CDC14A: variants seen among roughly 807,000 people sequenced by gnomAD.
CDC14A encodes cell division cycle 14A.
In CDC14A, 53 loss-of-function variants were observed where a neutral mutation model predicts 74.4. That is an observed-to-expected ratio of 0.71 (90% CI 0.57 to 0.89). The LOEUF is 0.89. Among genes scored for constraint, CDC14A ranks in the 40% least tolerant of loss-of-function variants. The pLI is 0.00. For synonymous variants in CDC14A, 247 were observed against 258.4 expected (o/e 0.96, Z 0.43); for missense variants, 646 against 713.7 (o/e 0.91, Z 1.08).
At chr1:100,443,870 G>C (rs556495977) in intron 7 of CDC14A, among the ~76,000 whole-genome samples, 3 of 152,190 alleles carry the variant, frequency 2.0e-5, no homozygotes, top group Non-Finnish European at 1.5e-5. Context: ...TTTTCTGAAA[G>C]ATGAGAAGCC....
chr1:100,473,307 T>A (rs1234566891), intron 10 of CDC14A, among the ~76,000 whole-genome samples: 6 of 152,150 alleles, frequency 3.9e-5, no homozygotes, highest in Non-Finnish European at 8.8e-5. Flanking sequence ...AGTACTTATT[T>A]TTTTTTAGCA....
At chr1:100,379,338 T>G (rs1655762621) in intron 3 of CDC14A, among the ~76,000 whole-genome samples, 1 of 152,236 alleles carries the variant, frequency 6.6e-6, no homozygotes, top group South Asian at 2.1e-4. Flanking sequence ...GTTTAAACAC[T>G]CTCCTTGGTT....
chr1:100,484,737 AAAAT>A (rs1243018439), intron 11 of CDC14A: 1 of 1,019,052 alleles, frequency 9.8e-7, no homozygotes, highest in African/African-American at 1.7e-5. Context: ...TTTGAAAATT[AAAAT>A]AAATATCAAG....
intron 5 of CDC14A, among the ~76,000 whole-genome samples, chr1:100,430,629 T>C (rs947708519): frequency 1.5e-4 from 23 of 152,232 alleles, no homozygotes; most frequent in Non-Finnish European, 8.8e-5. Flanking sequence ...TGCCTTCTTT[T>C]TCATAAAGTA....
intron 3 of CDC14A, among the ~76,000 whole-genome samples, chr1:100,388,377 C>T (rs950062769): frequency 2.6e-5 from 4 of 152,192 alleles, no homozygotes; most frequent in Non-Finnish European, 5.9e-5. Flanking sequence ...AATGTTCAGG[C>T]AGTCAGTAGT....
At chr1:100,410,173 C>T (rs1034359063) in intron 4 of CDC14A, among the ~76,000 whole-genome samples, 2 of 150,728 alleles carry the variant, frequency 1.3e-5, no homozygotes, top group African/African-American at 4.9e-5. Flanking sequence ...GATTGTGCTA[C>T]TGCACTCCAG....
rs1649996074 is a variant in CDC14A, at chr1:100,514,006, A to G, written c.1756-4245A>G. Among the ~76,000 whole-genome samples, 5 of 152,216 alleles carry G rather than the reference A, an allele frequency of 3.3e-5. No individual in the cohort carries two copies. The South Asian group carries it at 1.0e-3, about 31-fold the overall frequency. On this transcript the variant is annotated intron_variant, in intron 15 of 15. Transcript: ENST00000336454. The stretch of plus-strand genomic sequence containing the variant: ...TTTATGGTATTCATACAATAAGAAT[A>G]CCACATATTCATAATAAACTTGATC...
At chr1:100,505,223 G>GCTT (rs2101463182) in intron 15 of CDC14A, among the ~76,000 whole-genome samples, 1 of 152,308 alleles carries the variant, frequency 6.6e-6, no homozygotes, top group South Asian at 2.1e-4. Flanking sequence ...ATTCTTATAT[G>GCTT]ATAGTTGAAG....
intron 15 of CDC14A, 89 bp from the exon 16 acceptor site, chr1:100,518,162 G>A (rs1215489992): frequency 2.1e-6 from 2 of 948,376 alleles, no homozygotes; most frequent in Non-Finnish European, 3.4e-6. Context: ...TCTCTAAGCT[G>A]TCTTGTGTGG....
chr1:100,490,309 T>C (rs1670484494), intron 11 of CDC14A, among the ~76,000 whole-genome samples: 1 of 152,220 alleles, frequency 6.6e-6, no homozygotes, highest in African/African-American at 2.4e-5. Context: ...ATGTTTTGAA[T>C]AATGTTACTA....
chr1:100,381,344 A>G (rs1193021215), intron 3 of CDC14A, among the ~76,000 whole-genome samples: 4 of 152,288 alleles, frequency 2.6e-5, no homozygotes, highest in African/African-American at 9.6e-5. Flanking sequence ...ATCTGATGGC[A>G]CTTGCTGGAT....
chr1:100,481,072 T>C (rs745358789), intron 10 of CDC14A: 1 of 152,304 alleles, frequency 6.6e-6, no homozygotes, highest in Non-Finnish European at 1.5e-5. Flanking sequence ...CTGTCTTCCT[T>C]TGATAGCAAG....
intron 7 of CDC14A, among the ~76,000 whole-genome samples, chr1:100,451,187 T>TC (rs150337808): frequency 0.011 from 1,719 of 152,326 alleles, 39 homozygotes; most frequent in African/African-American, 0.04. Flanking sequence ...TGACTCCAAA[T>TC]CATCTTTGCG....
At chr1:100,361,833 A>G (rs958180693) in intron 2 of CDC14A, among the ~76,000 whole-genome samples, 1 of 152,134 alleles carries the variant, frequency 6.6e-6, no homozygotes, top group Admixed American at 6.5e-5. Flanking sequence ...CTACTTTAGG[A>G]CGAGTGCTGC....
chr1:100,394,134 A>G (rs1658135991), intron 4 of CDC14A: 1 of 174,914 alleles, frequency 5.7e-6, no homozygotes, highest in East Asian at 1.7e-4. Flanking sequence ...TTATTTATTG[A>G]GACTGAGTCT....
chr1:100,459,101 G>A (rs7540122), intron 8 of CDC14A, among the ~76,000 whole-genome samples: 36,900 of 143,456 alleles, frequency 0.26, 6,625 homozygotes, highest in African/African-American at 0.51. Flanking sequence ...ACACACACAC[G>A]CACACACACA....
intron 4 of CDC14A, among the ~76,000 whole-genome samples, chr1:100,420,063 C>CACACACACACACACATATATATATAT: frequency 1.6e-5 from 1 of 61,598 alleles, no homozygotes; most frequent in African/African-American, 4.0e-5. Flanking sequence ...CACACACACA[C>CACACACACACACACATATATATATAT]ATATATATAT....
intron 1 of CDC14A, among the ~76,000 whole-genome samples, chr1:100,345,800 T>C (rs1402668206): frequency 1.3e-5 from 2 of 152,224 alleles, no homozygotes; most frequent in Non-Finnish European, 2.9e-5. Context: ...AACCGAACTA[T>C]TAACTACTAT....
intron 5 of CDC14A, among the ~76,000 whole-genome samples, chr1:100,435,963 T>C (rs954392579): frequency 3.3e-5 from 5 of 152,086 alleles, no homozygotes; most frequent in Admixed American, 2.0e-4. Flanking sequence ...TTTTTGGAGC[T>C]AGTAGGGACC....
Sources: gnomAD v4.1 joint callset for allele counts (sites outside exome capture counted in the v4.1 genomes callset) on GRCh38, gnomAD v4.1.1 for gene constraint, MANE v1.5 for transcripts, NCBI Gene and HGNC (gene_info 2026-07-23, HGNC 2026-07-21) for gene names.